Variants in LAMC3 observed in about 807,000 individuals in gnomAD.
The protein encoded by LAMC3 is laminin subunit gamma 3.
LAMC3 carries 128 observed loss-of-function variants against 173.8 expected under a neutral mutation model. The observed-to-expected ratio is 0.74, with a 90% CI of 0.64 to 0.85. The LOEUF (loss-of-function observed/expected upper bound fraction) is 0.85. LAMC3 is among the 40% of genes least tolerant of loss of function. LAMC3 has a pLI of 0.00. For missense variants in LAMC3, 2,022 were observed against 2,156.0 expected, an observed-to-expected ratio of 0.94 and a Z score of 1.23; for synonymous variants, 897 against 909.1, an observed-to-expected ratio of 0.99 and a Z score of 0.24.
chr9:131,013,734 C>T (rs922905917), intron 1 of LAMC3, among the ~76,000 whole-genome samples: 22 of 152,190 alleles, frequency 1.4e-4, no homozygotes, highest in Admixed American at 1.2e-3. Context: ...GGATGTTCTT[C>T]GACCTGCCGG....
Position 131,026,528 on chromosome 9 carries a change from C to T in LAMC3, c.617C>T (p.Ala206Val). The change falls in exon 2 of 28, where the codon GCC becomes GTC. Residue 206 changes from alanine to valine, a missense_variant. Ala to Val is a moderately conservative substitution (Grantham distance 64). Coordinates refer to ENST00000361069, the MANE Select transcript of LAMC3 (RefSeq NM_006059.4). The surrounding 1 kb of genome is among the most constrained non-coding windows in gnomAD (Gnocchi z 4.8). ...TCCCCGCTGAGTGGCGGCAACGTGG[C>T]CTTCTCCACCCTGGAGGGCCGGCCC... ...DISPLSGGNV[A>V]FSTLEGRPSA... The T allele has an allele frequency of 6.2e-7, 1 of 1,611,584 alleles. No homozygotes were observed. Among genetic ancestry groups the T allele is most frequent in the South Asian group, 1.1e-5 (1 of 90,944 alleles).
intron 20 of LAMC3, 38 bp downstream of exon 20, chr9:131,073,359 TCTC>T (rs1830069761): frequency 6.6e-7 from 1 of 1,508,790 alleles, no homozygotes; most frequent in Non-Finnish European, 9.2e-7. Context: ...ACCTGGCCCT[TCTC>T]CTGGGGGTTC....
At chr9:131,050,106 G>A (rs143339088) in intron 9 of LAMC3, among the ~76,000 whole-genome samples, 2,075 of 152,354 alleles carry the variant, frequency 0.014, 18 homozygotes, top group Middle Eastern at 0.034. Flanking sequence ...AGAGGCCCAT[G>A]AGCAAAAAAC....
intron 4 of LAMC3, among the ~76,000 whole-genome samples, chr9:131,038,213 G>A (rs923198681): frequency 1.3e-5 from 2 of 152,096 alleles, no homozygotes; most frequent in African/African-American, 4.8e-5. Flanking sequence ...CAGCTGCAGG[G>A]GCCCCTTCTT....
At chr9:131,012,474 C>A (rs1833436059) in intron 1 of LAMC3, among the ~76,000 whole-genome samples, 1 of 152,224 alleles carries the variant, frequency 6.6e-6, no homozygotes, top group Admixed American at 6.5e-5. Flanking sequence ...GGCTGAGGCT[C>A]CCTTGCGGGG....
intron 1 of LAMC3, among the ~76,000 whole-genome samples, chr9:131,012,715 TC>T (rs1215871876): frequency 6.6e-6 from 1 of 152,190 alleles, no homozygotes; most frequent in East Asian, 1.9e-4. Context: ...TGACCTCTCC[TC>T]CTGGTCCTTA....
intron 2 of LAMC3, among the ~76,000 whole-genome samples, chr9:131,031,162 CAGG>C (rs760551344): frequency 9.9e-5 from 15 of 152,250 alleles, no homozygotes; most frequent in Admixed American, 6.5e-4. Flanking sequence ...GATGGCCTGC[CAGG>C]AGCTCATTTT....
chr9:131,069,095 C>T (rs373973237), intron 16 of LAMC3, 45 bp downstream of exon 16: 138 of 1,607,656 alleles, frequency 8.6e-5, no homozygotes, highest in African/African-American at 8.1e-4. Flanking sequence ...GGGTGGGGCC[C>T]GAGGGTCTCT....
At chr9:131,031,747 TC>T (rs1833828184) in intron 2 of LAMC3, among the ~76,000 whole-genome samples, 1 of 152,026 alleles carries the variant, frequency 6.6e-6, no homozygotes, top group South Asian at 2.1e-4. Flanking sequence ...CTTGCTACCC[TC>T]CCCCAGACAT....
At chr9:131,060,518 C>T (rs1343515596) in intron 12 of LAMC3, among the ~76,000 whole-genome samples, 2 of 152,036 alleles carry the variant, frequency 1.3e-5, no homozygotes, top group African/African-American at 4.8e-5. Flanking sequence ...GTGACGCACG[C>T]CTGTAACCCC....
chr9:131,065,189 T>C (rs1036339026), intron 13 of LAMC3, among the ~76,000 whole-genome samples: 1 of 151,922 alleles, frequency 6.6e-6, no homozygotes, highest in African/African-American at 2.4e-5. Context: ...TTACAAAGAG[T>C]GGCTGACACC....
At chr9:131,036,505 G>A (rs1342484925) in intron 4 of LAMC3, among the ~76,000 whole-genome samples, 173 bp downstream of exon 4, 1 of 152,098 alleles carries the variant, frequency 6.6e-6, no homozygotes, top group Non-Finnish European at 1.5e-5. Flanking sequence ...GCCTGGGGAG[G>A]GGGTGCATTT....
chr9:131,039,422 C>G (rs534288484), intron 6 of LAMC3, among the ~76,000 whole-genome samples, 174 bp downstream of exon 6: 1 of 152,144 alleles, frequency 6.6e-6, no homozygotes, highest in African/African-American at 2.4e-5. Flanking sequence ...GAGACAAAAA[C>G]AGACCTTAAT....
At chr9:131,069,401 C>A (rs774133499) in intron 16 of LAMC3, among the ~76,000 whole-genome samples, 1 of 152,196 alleles carries the variant, frequency 6.6e-6, no homozygotes, top group African/African-American at 2.4e-5. Flanking sequence ...GCCTCAGTTT[C>A]CTCACCTGTA....
chr9:131,009,945 G>A lies in LAMC3; in HGVS notation c.373+358G>A, dbSNP rs1422302773. On this transcript the variant is annotated intron_variant, in intron 1 of 27. Transcript: ENST00000361069. This position sits in a 1 kb window ranked among gnomAD's most constrained non-coding sequence, Gnocchi z 4.3. ...GAGGCGGGCGGATCACCTGAGGTCA[G>A]GAGTTCGAGACCAGCCTGGCCAACA... 1.3e-5 allele frequency among the ~76,000 whole-genome samples: 2 copies of A among 152,024 alleles called. No homozygotes were observed. The highest frequency in any genetic ancestry group is 3.9e-4 in the East Asian group (2 of 5,186).
At chr9:131,030,280 T>C (rs1212674193) in intron 2 of LAMC3, among the ~76,000 whole-genome samples, 1 of 152,204 alleles carries the variant, frequency 6.6e-6, no homozygotes, top group Non-Finnish European at 1.5e-5. Context: ...CCCCCTGCAA[T>C]TGAGGCTAAG....
chr9:131,087,602 G>A lies in LAMC3; in HGVS notation c.4357G>A (p.Glu1453Lys). Residue 1453 changes from glutamate to lysine, a missense_variant, in exon 26 of 28, where the codon GAG becomes AAG. Glu to Lys is a moderately conservative substitution (Grantham distance 56, BLOSUM62 1). Transcript: ENST00000361069. ...GCTGGCGTCTGAAGCACGCAGACAG[G>A]AGCTGGAGGAAGCTGAGCGGGTACG... ...QVLASEARRQ[E>K]LEEAERVGAG... 2 of 1,614,028 alleles carry A rather than the reference G, an allele frequency of 1.2e-6. No individual in the cohort carries two copies. Among genetic ancestry groups the A allele is most frequent in the South Asian group, 1.1e-5 (1 of 91,080 alleles).
Position 131,012,699 on chromosome 9 carries a change from G to A in LAMC3, c.373+3112G>A, listed in dbSNP as rs368288747. On this transcript the variant is annotated intron_variant, in intron 1 of 27. Coordinates refer to ENST00000361069, the MANE Select transcript of LAMC3 (RefSeq NM_006059.4). ...ATTGTCGGTGTCCCCTGTGGAGGCC[G>A]TCTGATGACCTCTCCTCCTGGTCCT... 1.5e-4 allele frequency among the ~76,000 whole-genome samples: 23 copies of A among 152,214 alleles called. 1 individual carries two copies. Among genetic ancestry groups the A allele is most frequent in the South Asian group, 1.4e-3 (7 of 4,834 alleles).
In LAMC3 at chr9:131,047,165, C is replaced by CTTTTT. The variant is rs398012456; in HGVS notation, c.1519+1518_1519+1522dup. Among the ~76,000 whole-genome samples the CTTTTT allele has an allele frequency of 7.6e-3, 779 of 102,158 alleles. 61 individuals carry two copies. Among genetic ancestry groups the CTTTTT allele is most frequent in the African/African-American group, 0.024 (628 of 26,586 alleles). 67.0% of individuals were successfully genotyped at this position (102,158 alleles called of 152,430 possible). A position where few individuals can be genotyped will look rare whatever the true frequency, so the allele number is the denominator to read the frequency against. ...AAAACTTTTTGGTCTCTGAATTCCT[C>CTTTTT]TTTTTTTTTTTTTTTTTAAGACGGA... On this transcript the variant is annotated intron_variant, in intron 8 of 27. Coordinates refer to ENST00000361069, the MANE Select transcript of LAMC3 (RefSeq NM_006059.4).
Sources: allele counts gnomAD v4.1 joint callset (sites outside exome capture counted in the v4.1 genomes callset), GRCh38; gene constraint gnomAD v4.1.1; non-coding constraint Gnocchi (gnomAD v3.1); transcripts MANE v1.5; gene names NCBI Gene and HGNC (gene_info 2026-07-23, HGNC 2026-07-21).